Variants in DCUN1D1 observed in about 807,000 individuals in gnomAD.
DCUN1D1 encodes the protein DCN1-like protein 1.
Under a neutral mutation model 39.0 loss-of-function variants are expected in DCUN1D1, and 3 were observed. The ratio of observed to expected loss-of-function variants is 0.08; its 90% CI spans 0.04 to 0.20. The LOEUF is 0.20. Ranked by LOEUF, DCUN1D1 falls within the 10% of genes least tolerant of loss-of-function variation. The pLI is 1.00. For missense variants in DCUN1D1, 158 were observed against 302.4 expected (o/e 0.52, Z 3.54); for synonymous variants, 82 against 96.3 (o/e 0.85, Z 0.87).
intron 1 of DCUN1D1, among the ~76,000 whole-genome samples, chr3:182,967,034 G>C (rs996255021): frequency 2.0e-5 from 3 of 152,020 alleles, no homozygotes; most frequent in African/African-American, 7.3e-5. Flanking sequence ...TTGAACCCGG[G>C]AGGCAGAGGT....
intron 4 of DCUN1D1, among the ~76,000 whole-genome samples, chr3:182,951,609 C>T (rs1397772363): frequency 1.0e-5 from 1 of 97,794 alleles, no homozygotes; most frequent in Non-Finnish European, 1.9e-5. Flanking sequence ...GAGAGAGACC[C>T]TGTCTCCCAA....
intron 4 of DCUN1D1, among the ~76,000 whole-genome samples, chr3:182,956,793 T>A (rs969251794): frequency 6.6e-6 from 1 of 152,216 alleles, no homozygotes; most frequent in Non-Finnish European, 1.5e-5. Flanking sequence ...ATGATATGGC[T>A]GCTAAAGAAC....
intron 1 of DCUN1D1, among the ~76,000 whole-genome samples, chr3:182,968,465 T>C (rs1164750154): frequency 6.6e-6 from 1 of 151,948 alleles, no homozygotes; most frequent in African/African-American, 2.4e-5. Flanking sequence ...AGTAAGATAA[T>C]AGAAGACCAG....
Position 182,961,211 on chromosome 3 carries a change from T to A in DCUN1D1, c.520+15A>T. On this transcript the variant is annotated intron_variant, in intron 4 of 6. Coordinates refer to ENST00000292782, the MANE Select transcript of DCUN1D1 (RefSeq NM_020640.4). ...TATATCTGAAACACCAAATATAATT[T>A]TTAAAAATTCTTACCTAATCCTTTT... 6.8e-7 allele frequency: 1 copy of A among 1,465,880 alleles called. No individual in the cohort carries two copies. Among genetic ancestry groups the A allele is most frequent in the Non-Finnish European group, 9.3e-7 (1 of 1,074,556 alleles). The allele number at this position is 1,465,880 out of a possible 1,614,324, so 90.8% of individuals were successfully genotyped here.
At position 182,942,681 on chromosome 3, in the gene DCUN1D1, G is replaced by A. The variant is rs1315026388; in HGVS notation, c.*2413C>T. On this transcript the variant is annotated 3_prime_UTR_variant, in exon 7 of 7. Transcript: ENST00000292782. ...CACTTAGGAGTTAAAGCAATTCAAG[G>A]GGCGTGTGTGTGTCTCTCCCTTTCT... 1 of 151,948 alleles carries A rather than the reference G, an allele frequency of 6.6e-6. No homozygotes were observed. Among genetic ancestry groups the A allele is most frequent in the Non-Finnish European group, 1.5e-5 (1 of 67,986 alleles). 9.4% of individuals were successfully genotyped at this position (151,948 alleles called of 1,614,324 possible).
chr3:182,971,563 T>C (rs576908116), intron 1 of DCUN1D1, among the ~76,000 whole-genome samples: 2 of 147,788 alleles, frequency 1.4e-5, no homozygotes, highest in Admixed American at 1.4e-4. Context: ...AGAGAAGGCA[T>C]GCGACCCTAT....
chr3:182,967,128 C>CTATATATA lies in DCUN1D1; in HGVS notation c.4-1383_4-1376dup, dbSNP rs60339329. Among the ~76,000 whole-genome samples, 438 of 143,522 alleles carry CTATATATA rather than the reference C, an allele frequency of 3.1e-3. 4 individuals carry two copies. The highest frequency in any genetic ancestry group is 0.01 in the African/African-American group (397 of 37,958). 94.2% of individuals were successfully genotyped at this position (143,522 alleles called of 152,430 possible). A position where few individuals can be genotyped will look rare whatever the true frequency, so the allele number is the denominator to read the frequency against. On this transcript the variant is annotated intron_variant, in intron 1 of 6. Coordinates refer to ENST00000292782, the MANE Select transcript of DCUN1D1 (RefSeq NM_020640.4). ...ACCTCCAAACAAACAAACAAAAAAA[C>CTATATATA]TATATATATATATATATATATATAT...
rs981129671 is a variant in DCUN1D1 at position 182,951,271 on chromosome 3, AT to A, written c.521-3640del. Among the ~76,000 whole-genome samples the A allele has an allele frequency of 2.0e-3, 306 of 152,158 alleles. 1 individual carries two copies. Among genetic ancestry groups the A allele is most frequent in the African/African-American group, 6.9e-3 (286 of 41,518 alleles). ...TCAGAACTAAGCATATTGCTAGTAT[AT>A]TTTTTTCCTTTTCAACTAATTTGTA... On this transcript the variant is annotated intron_variant, in intron 4 of 6. Coordinates refer to ENST00000292782, the MANE Select transcript of DCUN1D1 (RefSeq NM_020640.4).
chr3:182,945,893 T>A (rs1726372546), intron 6 of DCUN1D1, among the ~76,000 whole-genome samples: 1 of 152,192 alleles, frequency 6.6e-6, no homozygotes, highest in South Asian at 2.1e-4. Flanking sequence ...ATTAGGTATA[T>A]GCAGGATTAA....
intron 4 of DCUN1D1, chr3:182,955,687 G>C (rs770540537): frequency 3.0e-6 from 1 of 331,508 alleles, no homozygotes; most frequent in African/African-American, 2.2e-5. Context: ...AAGTTCAAGT[G>C]AACCTGCCTC....
chr3:182,985,123 A>G (rs1180680101), upstream of DCUN1D1, among the ~76,000 whole-genome samples: 1 of 152,168 alleles, frequency 6.6e-6, no homozygotes, highest in Non-Finnish European at 1.5e-5. Flanking sequence ...AATTATAACC[A>G]TTTTTTAAAG....
At chr3:182,966,518 G>A (rs1234945025) in intron 1 of DCUN1D1, among the ~76,000 whole-genome samples, 2 of 151,992 alleles carry the variant, frequency 1.3e-5, no homozygotes, top group East Asian at 3.9e-4. Context: ...TCTCAGAGAG[G>A]GGAAGAGGTG....
chr3:182,964,845 T>C (rs1257692487), intron 2 of DCUN1D1, among the ~76,000 whole-genome samples: 6 of 151,904 alleles, frequency 3.9e-5, no homozygotes, highest in Admixed American at 3.9e-4. Context: ...TTTACCATAT[T>C]GGACAGACTG....
intron 1 of DCUN1D1, among the ~76,000 whole-genome samples, chr3:182,979,530 A>T (rs1185437983): frequency 6.6e-6 from 1 of 152,124 alleles, no homozygotes; most frequent in Non-Finnish European, 1.5e-5. Flanking sequence ...AGCGTCCAGC[A>T]GAGTCAGGTA....
chr3:182,967,893 C>G (rs1014011565), intron 1 of DCUN1D1, among the ~76,000 whole-genome samples: 2 of 152,214 alleles, frequency 1.3e-5, no homozygotes, highest in Non-Finnish European at 2.9e-5. Context: ...TTTTAAAACT[C>G]AGTATACCTT....
At chr3:182,980,893 GC>G (rs1728519768), upstream of DCUN1D1, 1 of 150,718 alleles carries the variant, frequency 6.6e-6, no homozygotes, top group Non-Finnish European at 1.5e-5. Context: ...CAGGCTGGAA[GC>G]GGGCACGAGC....
upstream of DCUN1D1, among the ~76,000 whole-genome samples, chr3:182,982,005 A>G (rs1337916898): frequency 3.9e-5 from 6 of 152,230 alleles, no homozygotes; most frequent in Admixed American, 3.9e-4. Flanking sequence ...GAATTCACCT[A>G]GCTTTTGACC....
intron 4 of DCUN1D1, among the ~76,000 whole-genome samples, chr3:182,953,951 A>G (rs1726885554): frequency 6.6e-6 from 1 of 152,212 alleles, no homozygotes; most frequent in Admixed American, 6.5e-5. Flanking sequence ...TGAATGCAGG[A>G]TGAACATGGA....
chr3:182,974,775 A>AC (rs1449206950), intron 1 of DCUN1D1, among the ~76,000 whole-genome samples: 1 of 151,694 alleles, frequency 6.6e-6, no homozygotes, highest in African/African-American at 2.4e-5. Context: ...AAAAAAAAAA[A>AC]ACTAAATCCC....
Sources: allele counts gnomAD v4.1 joint callset (sites outside exome capture counted in the v4.1 genomes callset), GRCh38; gene constraint gnomAD v4.1.1; transcripts MANE v1.5; gene names NCBI Gene and HGNC (gene_info 2026-07-23, HGNC 2026-07-21).